Variants in CPQ observed in about 807,000 individuals in gnomAD.
The protein encoded by CPQ is carboxypeptidase Q.
A neutral mutation model predicts 45.7 loss-of-function variants in CPQ; 37 were observed. That is an observed-to-expected ratio of 0.81 (90% CI 0.62 to 1.07). The LOEUF (loss-of-function observed/expected upper bound fraction) is 1.07, where lower values mean the gene tolerates loss of function less well. CPQ is among the 50% of genes least tolerant of loss of function. The pLI, the probability that CPQ is intolerant of heterozygous loss-of-function variation, is 0.00. For missense variants in CPQ, 537 were observed against 572.9 expected (o/e 0.94, Z 0.64); for synonymous variants, 186 against 205.8 (o/e 0.90, Z 0.82).
chr8:96,676,316 GA>G (rs1243672889), intron 1 of CPQ, among the ~76,000 whole-genome samples: 1 of 151,870 alleles, frequency 6.6e-6, no homozygotes, highest in Non-Finnish European at 1.5e-5. Context: ...CTATCTCCAT[GA>G]GATAAACTTT....
intron 4 of CPQ, among the ~76,000 whole-genome samples, chr8:96,946,956 G>A (rs1212108567): frequency 1.3e-5 from 2 of 152,086 alleles, no homozygotes; most frequent in African/African-American, 4.8e-5. Context: ...TCATGTGTCA[G>A]TCCCTGGAAT....
intron 6 of CPQ, among the ~76,000 whole-genome samples, chr8:97,055,331 CA>C (rs1810435526): frequency 6.6e-6 from 1 of 152,186 alleles, no homozygotes; most frequent in Non-Finnish European, 1.5e-5. Flanking sequence ...TTGGTTGCAC[CA>C]CCTTTCCTTC....
intron 4 of CPQ, among the ~76,000 whole-genome samples, chr8:96,934,943 A>AC (rs1813024912): frequency 6.6e-6 from 1 of 152,150 alleles, no homozygotes; most frequent in African/African-American, 2.4e-5. Flanking sequence ...ATTTCTCTCT[A>AC]CCATACATTT....
chr8:96,665,572 A>G (rs1052038819), intron 1 of CPQ, among the ~76,000 whole-genome samples: 1 of 152,240 alleles, frequency 6.6e-6, no homozygotes, highest in Non-Finnish European at 1.5e-5. Flanking sequence ...ATCAGAACAT[A>G]TGGTTTCAAG....
At chr8:96,863,715 T>C (rs893936491) in intron 3 of CPQ, among the ~76,000 whole-genome samples, 1 of 152,118 alleles carries the variant, frequency 6.6e-6, no homozygotes, top group Non-Finnish European at 1.5e-5. Flanking sequence ...TGTTTTCCGC[T>C]TTTAATGCTT....
chr8:96,694,938 A>G (rs933879150), intron 1 of CPQ, among the ~76,000 whole-genome samples: 1 of 152,166 alleles, frequency 6.6e-6, no homozygotes, highest in African/African-American at 2.4e-5. Flanking sequence ...GTAAATTACT[A>G]CTTTACAGTG....
intron 7 of CPQ, among the ~76,000 whole-genome samples, chr8:97,094,133 C>T (rs921918215): frequency 3.3e-5 from 5 of 152,112 alleles, no homozygotes; most frequent in Non-Finnish European, 7.4e-5. Flanking sequence ...TTTCTGACAA[C>T]TCTTATAAAA....
intron 6 of CPQ, among the ~76,000 whole-genome samples, chr8:97,063,726 G>A (rs917804789): frequency 1.7e-4 from 26 of 151,844 alleles, no homozygotes; most frequent in African/African-American, 5.1e-4. Flanking sequence ...ATGGGGAACC[G>A]TTTCCCCATT....
Position 97,080,913 on chromosome 8 carries a change from TTTCCTTCC to T in CPQ, c.1255+14715_1255+14722del, listed in dbSNP as rs376433211. Among the ~76,000 whole-genome samples, 680 of 151,884 alleles carry T rather than the reference TTTCCTTCC, an allele frequency of 4.5e-3. 6 individuals carry two copies. Among genetic ancestry groups the T allele is most frequent in the African/African-American group, 0.016 (655 of 41,444 alleles). On this transcript the variant is annotated intron_variant, in intron 7 of 7. Coordinates refer to ENST00000220763, the MANE Select transcript of CPQ (RefSeq NM_016134.4). The stretch of plus-strand genomic sequence containing the variant: ...TCAGTATTCTTAGTACCCACCCTTC[TTTCCTTCC>T]TTCCTTCCTTCTTTCCTTCCTTCCT...
chr8:96,807,302 C>T (rs1007334671), intron 2 of CPQ, among the ~76,000 whole-genome samples: 1 of 152,058 alleles, frequency 6.6e-6, no homozygotes, highest in Non-Finnish European at 1.5e-5. Context: ...GTGGTGCAAT[C>T]TCCTCACTGC....
At chr8:96,831,617 A>G (rs540146654) in intron 2 of CPQ, among the ~76,000 whole-genome samples, 27 of 152,206 alleles carry the variant, frequency 1.8e-4, no homozygotes, top group Admixed American at 1.7e-3. Context: ...GTCTAGTTTT[A>G]TTTTATTCCA....
intron 4 of CPQ, among the ~76,000 whole-genome samples, chr8:96,937,428 C>A (rs1586458765): frequency 6.6e-6 from 1 of 152,100 alleles, no homozygotes; most frequent in East Asian, 1.9e-4. Flanking sequence ...AGATAGAGTC[C>A]AGTCCAGTAG....
intron 2 of CPQ, among the ~76,000 whole-genome samples, chr8:96,816,290 T>G (rs1054674307): frequency 6.6e-6 from 1 of 152,184 alleles, no homozygotes; most frequent in Non-Finnish European, 1.5e-5. Flanking sequence ...AACTCGTTTA[T>G]TTGCTCATCC....
chr8:96,891,478 G>A (rs1277579877), intron 4 of CPQ, among the ~76,000 whole-genome samples: 1 of 152,164 alleles, frequency 6.6e-6, no homozygotes, highest in African/African-American at 2.4e-5. Flanking sequence ...CTGAGCCCAT[G>A]TGTAACCTCC....
intron 1 of CPQ, among the ~76,000 whole-genome samples, chr8:96,734,229 G>A (rs577461313): frequency 6.6e-6 from 1 of 152,272 alleles, no homozygotes; most frequent in African/African-American, 2.4e-5. Context: ...CACCTCCAGA[G>A]TACATCTGGG....
chr8:96,906,608 C>G (rs1378047551), intron 4 of CPQ, among the ~76,000 whole-genome samples: 1 of 152,144 alleles, frequency 6.6e-6, no homozygotes, highest in African/African-American at 2.4e-5. Context: ...GTTTTGGTGG[C>G]TGGGAGGCCC....
At chr8:96,662,522 T>G (rs1245362116) in intron 1 of CPQ, among the ~76,000 whole-genome samples, 1 of 152,218 alleles carries the variant, frequency 6.6e-6, no homozygotes. Flanking sequence ...AACTGCATCC[T>G]TAAAGCTGGC....
intron 3 of CPQ, among the ~76,000 whole-genome samples, chr8:96,866,558 GT>G (rs1289473246): frequency 6.6e-6 from 1 of 152,036 alleles, no homozygotes. Flanking sequence ...ATTTATAGGT[GT>G]TAATTTCTCA....
At position 96,710,182 on chromosome 8, in the gene CPQ, T is replaced by C. The variant is rs78023825; in HGVS notation, c.-35+64780T>C. On this transcript the variant is annotated intron_variant, in intron 1 of 7. Transcript: ENST00000220763. ...ATTTTCTAGTTTATGTGCATAGAAG[T>C]GTTCATAGTAGTCTCGAAATTTTTT... 1.3e-3 allele frequency among the ~76,000 whole-genome samples: 201 copies of C among 151,820 alleles called. 8 individuals are homozygous for C. In the East Asian group the frequency reaches 0.036, roughly 27 times the overall value.
Sources: allele counts gnomAD v4.1 joint callset (sites outside exome capture counted in the v4.1 genomes callset), GRCh38; gene constraint gnomAD v4.1.1; transcripts MANE v1.5; gene names NCBI Gene and HGNC (gene_info 2026-07-23, HGNC 2026-07-21).